Variants in IFT122 observed in about 807,000 individuals in gnomAD.
IFT122 encodes the protein intraflagellar transport protein 122 homolog.
Under a neutral mutation model 161.6 loss-of-function variants are expected in IFT122, and 118 were observed. The observed-to-expected ratio is 0.73, with a 90% CI of 0.63 to 0.85. The LOEUF (loss-of-function observed/expected upper bound fraction) is 0.85, where lower values mean the gene tolerates loss of function less well. IFT122 is among the 40% of genes least tolerant of loss of function. IFT122 has a pLI of 0.00. For missense variants in IFT122, 1,381 were observed against 1,579.6 expected, an observed-to-expected ratio of 0.87 and a Z score of 2.13; for synonymous variants, 550 against 602.4, an observed-to-expected ratio of 0.91 and a Z score of 1.27.
chr3:129,458,645 G>C lies in IFT122; in HGVS notation c.240G>C (p.Trp80Cys). Residue 80 changes from tryptophan to cysteine, a missense_variant, in exon 4 of 30, where the codon TGG becomes TGC. Physicochemically the swap from Trp to Cys is radical, Grantham distance 215. Transcript: ENST00000348417. ...CAGCTGACAAAAGCGTTATTATCTG[G>C]ACATCAAAACTGGAAGGCATTCTGA... ...SGSADKSVII[W>C]TSKLEGILKY... is the part of the protein sequence containing the mutation. 1 of 1,614,046 alleles carries C rather than the reference G, an allele frequency of 6.2e-7. No homozygotes were observed. The highest frequency in any genetic ancestry group is 8.5e-7 in the Non-Finnish European group (1 of 1,179,932).
chr3:129,494,732 A>G (rs1320826899), intron 17 of IFT122, among the ~76,000 whole-genome samples: 1 of 152,038 alleles, frequency 6.6e-6, no homozygotes, highest in African/African-American at 2.4e-5. Context: ...CACTTGCTTC[A>G]AAAGACTACA....
At chr3:129,490,704 C>G (rs1275192392) in intron 16 of IFT122, among the ~76,000 whole-genome samples, 1 of 152,208 alleles carries the variant, frequency 6.6e-6, no homozygotes, top group Non-Finnish European at 1.5e-5. Context: ...TCCTTTCCCT[C>G]TTGGCCACTG....
In IFT122 at chr3:129,517,463, C is replaced by T. The variant is rs766243361; in HGVS notation, c.3266-6C>T. On this transcript the variant is annotated splice_polypyrimidine_tract_variant and splice_region_variant and intron_variant, in intron 26 of 29. Transcript: ENST00000348417. ...GCCCCCTCAGCCCTTTCTCTATGCC[C>T]TCCAGACGTGCTACACCTGGTTGAG... 1.9e-6 allele frequency: 3 copies of T among 1,613,306 alleles called. No homozygotes were observed. The highest frequency in any genetic ancestry group is 1.1e-5 in the South Asian group (1 of 91,000).
intron 17 of IFT122, 141 bp from the exon 18 acceptor site, chr3:129,495,305 G>C: frequency 1.7e-6 from 2 of 1,171,162 alleles, no homozygotes; most frequent in Non-Finnish European, 2.4e-6. Context: ...CTAGGGGAGA[G>C]AGACAACAGC....
chr3:129,447,965 T>TG lies in IFT122; in HGVS notation c.42-1899dup, dbSNP rs141073434. 0.036 allele frequency among the ~76,000 whole-genome samples: 5,436 copies of TG among 152,206 alleles called. 638 individuals carry two copies. In the East Asian group the frequency reaches 0.41, roughly 12 times the overall value. ...TGAGGAGGAAGTCCATTCAGACGGT[T>TG]GGGGGGGCTTACAATTTTATTTTTG... On this transcript the variant is annotated intron_variant, in intron 1 of 29. Transcript: ENST00000348417.
At chr3:129,495,017 C>G (rs1363826904) in intron 17 of IFT122, among the ~76,000 whole-genome samples, 1 of 152,156 alleles carries the variant, frequency 6.6e-6, no homozygotes, top group Non-Finnish European at 1.5e-5. Flanking sequence ...TTATTGGTCT[C>G]CCTCTTGGGC....
rs764155396 is a variant in IFT122, at chr3:129,466,956, T to C, written c.630T>C (p.Tyr210=). 7.4e-6 allele frequency: 12 copies of C among 1,614,066 alleles called. No individual in the cohort carries two copies. Among genetic ancestry groups the C allele is most frequent in the Admixed American group, 1.7e-5 (1 of 60,002 alleles). Residue 210 remains tyrosine (Y), a synonymous_variant, in exon 8 of 30, where the codon TAT becomes TAC. Coordinates refer to ENST00000348417, the MANE Select transcript of IFT122 (RefSeq NM_052989.3). ...CCGAGGATGTCATTGTCAACAGATATATTCAGGAAATCCCTTCCACTCTGA... is the reference window on the plus strand; with the variant it reads ...CCGAGGATGTCATTGTCAACAGATACATTCAGGAAATCCCTTCCACTCTGA... ...EDAEDVIVNR[Y]IQEIPSTLKS... is the part of the protein sequence containing the mutation.
chr3:129,466,754 C>T lies in IFT122; in HGVS notation c.564-136C>T, dbSNP rs184179207. ...CTGATCTCGAGCGATTCACTTGCCTCGGCCTCCTGAAGTGCTGGGATTACA... is the reference window on the plus strand; with the variant it reads ...CTGATCTCGAGCGATTCACTTGCCTTGGCCTCCTGAAGTGCTGGGATTACA... On this transcript the variant is annotated intron_variant, in intron 7 of 29. Transcript: ENST00000348417. 78 of 800,542 alleles carry T rather than the reference C, an allele frequency of 9.7e-5. No homozygotes were observed. In the African/African-American group the frequency reaches 1.2e-3, roughly 12 times the overall value. The allele number at this position is 800,542 out of a possible 1,614,324, so 49.6% of individuals were successfully genotyped here. A position where few individuals can be genotyped will look rare whatever the true frequency, so the allele number is the denominator to read the frequency against.
intron 18 of IFT122, among the ~76,000 whole-genome samples, chr3:129,497,851 C>T (rs1213911823): frequency 6.6e-6 from 1 of 152,192 alleles, no homozygotes; most frequent in Non-Finnish European, 1.5e-5. Flanking sequence ...TTGAAAATTG[C>T]TTCCCAAGAT....
Position 129,440,246 on chromosome 3 carries a change from T to G in IFT122, c.-85T>G, listed in dbSNP as rs1191639326. On this transcript the variant is annotated 5_prime_UTR_variant, in exon 1 of 30. Coordinates refer to ENST00000348417, the MANE Select transcript of IFT122 (RefSeq NM_052989.3). Reference sequence around the variant, plus strand: ...GGTAACGCAGGTAGCCAAAGTGGCTTGTGGAGTGGCGACCGTTAGTGAGGC... The same window carrying G: ...GGTAACGCAGGTAGCCAAAGTGGCTGGTGGAGTGGCGACCGTTAGTGAGGC... 7.2e-6 allele frequency: 11 copies of G among 1,517,926 alleles called. No homozygotes were observed. Among genetic ancestry groups the G allele is most frequent in the Non-Finnish European group, 9.8e-6 (11 of 1,120,944 alleles). The allele number at this position is 1,517,926 out of a possible 1,614,324, so 94.0% of individuals were successfully genotyped here. A position where few individuals can be genotyped will look rare whatever the true frequency, so the allele number is the denominator to read the frequency against.
intron 1 of IFT122, among the ~76,000 whole-genome samples, chr3:129,447,226 A>G (rs1485126079): frequency 6.6e-6 from 1 of 152,222 alleles, no homozygotes; most frequent in Non-Finnish European, 1.5e-5. Context: ...TCCACAGAAC[A>G]TGTGCCCACG....
intron 4 of IFT122, among the ~76,000 whole-genome samples, chr3:129,459,718 T>TTCCTTCCC (rs2076004993): frequency 2.3e-5 from 2 of 88,444 alleles, no homozygotes; most frequent in Non-Finnish European, 4.1e-5. Flanking sequence ...CCTTCCTTCC[T>TTCCTTCCC]TCCTTCCTTC....
chr3:129,505,607 T>C (rs950373884), intron 21 of IFT122, among the ~76,000 whole-genome samples: 1 of 152,130 alleles, frequency 6.6e-6, no homozygotes, highest in Non-Finnish European at 1.5e-5. Flanking sequence ...ACCTTCTCCT[T>C]CTCTGAAGGC....
intron 14 of IFT122, 142 bp downstream of exon 14, chr3:129,481,836 C>T (rs2078687187): frequency 2.3e-6 from 2 of 851,456 alleles, no homozygotes; most frequent in South Asian, 1.5e-5. Context: ...GCACAGAGTC[C>T]CAGAGGCCCT....
chr3:129,462,456 A>G (rs1020631920), intron 5 of IFT122, among the ~76,000 whole-genome samples: 2 of 152,212 alleles, frequency 1.3e-5, no homozygotes. Context: ...AAAGAGGTAG[A>G]GGTCCCTTAG....
rs540976900 is a variant in IFT122 at position 129,466,980 on chromosome 3, G to A, written c.654G>A (p.Leu218=). ...ATATTCAGGAAATCCCTTCCACTCT[G>A]AAGTCAGCAGTGTACAGTAGTCAGG... The part of the protein sequence containing the change: ...NRYIQEIPST[L]KSAVYSSQGS... The change falls in exon 8 of 30, where the codon CTG becomes CTA. Residue 218 remains leucine (L), a synonymous_variant. Transcript: ENST00000348417. 1 of 1,614,154 alleles carries A rather than the reference G, an allele frequency of 6.2e-7. No individual in the cohort carries two copies. Among genetic ancestry groups the A allele is most frequent in the African/African-American group, 1.3e-5 (1 of 75,054 alleles).
At chr3:129,475,109 T>C (rs1411426352) in intron 9 of IFT122, among the ~76,000 whole-genome samples, 1 of 152,186 alleles carries the variant, frequency 6.6e-6, no homozygotes, top group Non-Finnish European at 1.5e-5. Context: ...CATTGAGTTA[T>C]GATCATACGA....
At chr3:129,501,187 C>T (rs1348988053) in intron 19 of IFT122, among the ~76,000 whole-genome samples, 1 of 152,144 alleles carries the variant, frequency 6.6e-6, no homozygotes, top group Admixed American at 6.5e-5. Flanking sequence ...CAGTGAGCTT[C>T]AGGCTCAAGC....
rs183275996 is a variant in IFT122 at position 129,462,938 on chromosome 3, T to C, written c.350-622T>C. On this transcript the variant is annotated intron_variant, in intron 5 of 29. Coordinates refer to ENST00000348417, the MANE Select transcript of IFT122 (RefSeq NM_052989.3). ...AGATTTTCAGAAAGCATCATTGTTA[T>C]TTTAAATGCTAGGTTATACTCTGGT... Among the ~76,000 whole-genome samples, 21 of 152,360 alleles carry C rather than the reference T, an allele frequency of 1.4e-4. No homozygotes were observed. The East Asian group carries it at 3.9e-3, about 28-fold the overall frequency.
Sources: gnomAD v4.1 joint callset for allele counts (sites outside exome capture counted in the v4.1 genomes callset) on GRCh38, gnomAD v4.1.1 for gene constraint, MANE v1.5 for transcripts, NCBI Gene and HGNC (gene_info 2026-07-23, HGNC 2026-07-21) for gene names.